Variants in ARHGEF33 observed in about 807,000 individuals in gnomAD.
ARHGEF33 encodes Rho guanine nucleotide exchange factor 33.
In ARHGEF33, 72 loss-of-function variants were observed where a neutral mutation model predicts 101.9. The ratio of observed to expected loss-of-function variants is 0.71; its 90% CI spans 0.58 to 0.86. ARHGEF33 has a LOEUF of 0.86. Among genes scored for constraint, ARHGEF33 ranks in the 40% least tolerant of loss-of-function variants. The pLI, the probability that ARHGEF33 is intolerant of heterozygous loss-of-function variation, is 0.00. For missense variants in ARHGEF33, 1,169 were observed against 1,111.3 expected, an observed-to-expected ratio of 1.05 and a Z score of -0.74; for synonymous variants, 499 against 442.5, an observed-to-expected ratio of 1.13 and a Z score of -1.60.
chr2:38,907,104 C>T (rs772948394), intron 2 of ARHGEF33, among the ~76,000 whole-genome samples: 14 of 152,070 alleles, frequency 9.2e-5, no homozygotes, highest in South Asian at 2.1e-4. Flanking sequence ...GTTGTAGGAC[C>T]GAGATCCCCA....
chr2:38,902,618 G>A (rs1666274311), intron 2 of ARHGEF33, among the ~76,000 whole-genome samples: 1 of 152,044 alleles, frequency 6.6e-6, no homozygotes, highest in African/African-American at 2.4e-5. Flanking sequence ...AGTTATGGTG[G>A]GTGCAGTTTT....
intron 2 of ARHGEF33, among the ~76,000 whole-genome samples, chr2:38,910,877 T>C (rs954907522): frequency 6.6e-6 from 1 of 152,208 alleles, no homozygotes. Context: ...TTTGAAATAC[T>C]GTGGCATGAA....
intron 2 of ARHGEF33, among the ~76,000 whole-genome samples, chr2:38,905,966 A>G (rs370974025): frequency 6.6e-6 from 1 of 152,174 alleles, no homozygotes; most frequent in Admixed American, 6.5e-5. Context: ...TGAAGAAGCC[A>G]GGTGTGGTGG....
intron 14 of ARHGEF33, among the ~76,000 whole-genome samples, chr2:38,957,546 G>A (rs1053396294): frequency 2.0e-5 from 3 of 152,188 alleles, no homozygotes; most frequent in African/African-American, 7.2e-5. Flanking sequence ...ATGTGATATG[G>A]ATAAAAATAA....
intron 2 of ARHGEF33, among the ~76,000 whole-genome samples, chr2:38,909,140 G>A (rs1249620766): frequency 6.6e-6 from 1 of 152,106 alleles, no homozygotes; most frequent in Admixed American, 6.6e-5. Flanking sequence ...ACTAAGGAGG[G>A]GTGATGGCCT....
intron 16 of ARHGEF33, among the ~76,000 whole-genome samples, chr2:38,962,589 A>C (rs966037618): frequency 6.6e-6 from 1 of 152,200 alleles, no homozygotes; most frequent in African/African-American, 2.4e-5. Context: ...ATGAGATACC[A>C]AGGAAATTGC....
chr2:38,958,271 G>A, intron 15 of ARHGEF33, 73 bp downstream of exon 15: 1 of 1,516,338 alleles, frequency 6.6e-7, no homozygotes, highest in African/African-American at 1.4e-5. Flanking sequence ...GGGTTAGCAG[G>A]GCAGCCTAGA....
At chr2:38,963,655 G>C (rs969027615) in intron 16 of ARHGEF33, among the ~76,000 whole-genome samples, 5 of 152,174 alleles carry the variant, frequency 3.3e-5, no homozygotes, top group African/African-American at 1.2e-4. Context: ...AATAGATTTA[G>C]TCACTAAATA....
intron 16 of ARHGEF33, among the ~76,000 whole-genome samples, chr2:38,963,454 A>G (rs1432968683): frequency 6.6e-6 from 1 of 152,182 alleles, no homozygotes; most frequent in Admixed American, 6.5e-5. Flanking sequence ...GCTCTGCTGC[A>G]CAGTAGCTGT....
intron 10 of ARHGEF33, among the ~76,000 whole-genome samples, chr2:38,948,359 T>C (rs115537185): frequency 2.0e-5 from 3 of 152,264 alleles, no homozygotes; most frequent in East Asian, 3.8e-4. Context: ...ATGTAACTTA[T>C]GTGCTTCCAC....
intron 7 of ARHGEF33, among the ~76,000 whole-genome samples, chr2:38,934,655 T>C (rs1259650560): frequency 4.5e-5 from 3 of 66,474 alleles, no homozygotes; most frequent in Non-Finnish European, 8.8e-5. Context: ...TCTCTCCCGC[T>C]TCTCTCCCTC....
chr2:38,900,350 C>T lies in ARHGEF33; in HGVS notation c.-86+4501C>T, dbSNP rs78825787. Reference sequence around the variant, plus strand: ...CTTCATAGAGAAAGAGGTGCTTGAACTGAGCCCTGAAAATGAGAAGTATTT... The same window carrying T: ...CTTCATAGAGAAAGAGGTGCTTGAATTGAGCCCTGAAAATGAGAAGTATTT... On this transcript the variant is annotated intron_variant, in intron 2 of 17. Transcript: ENST00000409978. Among the ~76,000 whole-genome samples the T allele has an allele frequency of 3.1e-3, 466 of 152,190 alleles. 4 individuals are homozygous for T. The highest frequency in any genetic ancestry group is 0.01 in the African/African-American group (425 of 41,508).
intron 2 of ARHGEF33, among the ~76,000 whole-genome samples, chr2:38,903,850 C>G (rs768728027): frequency 1.3e-5 from 2 of 152,136 alleles, no homozygotes; most frequent in African/African-American, 2.4e-5. Context: ...TGCGAGAACA[C>G]CTTATCAATT....
chr2:38,934,057 G>C (rs1667069722), intron 7 of ARHGEF33, among the ~76,000 whole-genome samples: 1 of 152,112 alleles, frequency 6.6e-6, no homozygotes, highest in African/African-American at 2.4e-5. Context: ...TGAGAAAATT[G>C]AAAACTAATT....
At chr2:38,946,617 G>T (rs915036962) in intron 10 of ARHGEF33, among the ~76,000 whole-genome samples, 35 of 151,926 alleles carry the variant, frequency 2.3e-4, no homozygotes, top group South Asian at 1.2e-3. Context: ...ACCTCTGTGT[G>T]TACTTTATTT....
intron 2 of ARHGEF33, among the ~76,000 whole-genome samples, chr2:38,897,302 C>G (rs937686963): frequency 6.6e-6 from 1 of 152,098 alleles, no homozygotes; most frequent in Non-Finnish European, 1.5e-5. Flanking sequence ...GAAAAATATC[C>G]ATACTTTTCA....
intron 2 of ARHGEF33, among the ~76,000 whole-genome samples, chr2:38,905,538 C>T (rs143829742): frequency 6.6e-6 from 1 of 152,290 alleles, no homozygotes; most frequent in East Asian, 1.9e-4. Context: ...AGAGAGAGTG[C>T]CTGGCTTTCC....
At chr2:38,933,914 C>T (rs187741772) in intron 7 of ARHGEF33, among the ~76,000 whole-genome samples, 1 of 152,230 alleles carries the variant, frequency 6.6e-6, no homozygotes, top group African/African-American at 2.4e-5. Context: ...CATTTATGTG[C>T]CTGATAATTG....
rs745771806 is a variant in ARHGEF33 at position 38,937,458 on chromosome 2, G to T, written c.689G>T (p.Gly230Val). Reference sequence around the variant, plus strand: ...CAGCCTAAGGATGGTAAAGAATGGGGTGAAGAATACGTCACAAAAGACCAC... The same window carrying T: ...CAGCCTAAGGATGGTAAAGAATGGGTTGAAGAATACGTCACAAAAGACCAC... ...WRQPKDGKEW[G>V]EEYVTKDHPD... Residue 230 changes from glycine (G) to valine (V), a missense_variant, in exon 9 of 18, where the codon GGT becomes GTT. Coordinates refer to ENST00000409978, the MANE Select transcript of ARHGEF33 (RefSeq NM_001145451.5). The T allele has an allele frequency of 6.5e-7, 1 of 1,550,334 alleles. No homozygotes were observed. Among genetic ancestry groups the T allele is most frequent in the Non-Finnish European group, 8.7e-7 (1 of 1,146,022 alleles).
Sources: gnomAD v4.1 joint callset for allele counts (sites outside exome capture counted in the v4.1 genomes callset) on GRCh38, gnomAD v4.1.1 for gene constraint, MANE v1.5 for transcripts, NCBI Gene and HGNC (gene_info 2026-07-23, HGNC 2026-07-21) for gene names.